MPC2: variants seen among roughly 807,000 people sequenced by gnomAD.
The protein encoded by MPC2 is mitochondrial pyruvate carrier 2.
A neutral mutation model predicts 19.2 loss-of-function variants in MPC2; 19 were observed. The observed-to-expected ratio is 0.99, with a 90% confidence interval of 0.69 to 1.45. MPC2 has a LOEUF of 1.45. Among genes scored for constraint, MPC2 ranks in the 40% most tolerant of loss-of-function variants. The pLI is 0.00. For synonymous variants in MPC2, 61 were observed against 54.3 expected (o/e 1.12, Z -0.54); for missense variants, 122 against 153.0 (o/e 0.80, Z 1.07).
chr1:167,933,169 GT>G (rs112730724), intron 2 of MPC2, among the ~76,000 whole-genome samples: 15,268 of 139,132 alleles, frequency 0.11, 817 homozygotes, highest in African/African-American at 0.18. Flanking sequence ...AAACACATTA[GT>G]TTTTTTTTTT....
At chr1:167,930,130 A>C (rs1028246222) in intron 2 of MPC2, among the ~76,000 whole-genome samples, 55 of 152,210 alleles carry the variant, frequency 3.6e-4, no homozygotes, top group African/African-American at 1.1e-3. Flanking sequence ...AGAGCCATAT[A>C]ATTTTAATAT....
chr1:167,936,842 C>A, intron 1 of MPC2, 97 bp downstream of exon 1: 1 of 1,344,286 alleles, frequency 7.4e-7, no homozygotes, highest in Non-Finnish European at 1.0e-6. Flanking sequence ...GGTGTTGAAA[C>A]GGGTGTCCCC....
chr1:167,925,442 C>CGTAT (rs1553200802), intron 2 of MPC2, among the ~76,000 whole-genome samples: 1,228 of 82,186 alleles, frequency 0.015, 14 homozygotes, highest in Non-Finnish European at 0.018. Context: ...TACATATACA[C>CGTAT]ATATATATAT....
chr1:167,918,430 A>G lies in MPC2; in HGVS notation c.348-71T>C, dbSNP rs879495211. On this transcript the variant is annotated intron_variant, in intron 5 of 5. Transcript: ENST00000271373. ...AAATTTATGGTAAGGAGAGAATGGG[A>G]AGCATACTCCATTTCTTCTTTCTTG... is the stretch of plus-strand genomic sequence containing the variant. 5.7e-5 allele frequency: 55 copies of G among 968,558 alleles called. 1 individual carries two copies. In the Admixed American group the frequency reaches 1.2e-3, roughly 21 times the overall value. 60.0% of individuals were successfully genotyped at this position (968,558 alleles called of 1,614,324 possible).
intron 5 of MPC2, among the ~76,000 whole-genome samples, chr1:167,918,797 G>A (rs1172096045): frequency 6.6e-6 from 1 of 151,930 alleles, no homozygotes; most frequent in Non-Finnish European, 1.5e-5. Context: ...GTTTCACCGT[G>A]TTAGCCAGGA....
At chr1:167,935,430 T>C (rs1285826623) in intron 2 of MPC2, among the ~76,000 whole-genome samples, 1 of 152,162 alleles carries the variant, frequency 6.6e-6, no homozygotes, top group Non-Finnish European at 1.5e-5. Flanking sequence ...CCAGACAGTT[T>C]GGTGGCCGCA....
chr1:167,922,802 T>C lies in MPC2; in HGVS notation c.150+1695A>G, dbSNP rs146486591. Among the ~76,000 whole-genome samples, 15 of 152,262 alleles carry C rather than the reference T, an allele frequency of 9.9e-5. No homozygotes were observed. In the East Asian group the frequency reaches 2.9e-3, roughly 29 times the overall value. On this transcript the variant is annotated intron_variant, in intron 3 of 5. Coordinates refer to ENST00000271373, the MANE Select transcript of MPC2 (RefSeq NM_001143674.4). ...CTGAGTTTCTGAATTGTTCTAACCA[T>C]TTTAAAAGTACATTTAAGAGAATTA... is the stretch of plus-strand genomic sequence containing the variant.
chr1:167,920,064 C>T lies in MPC2; in HGVS notation c.262G>A (p.Val88Ile). The stretch of plus-strand genomic sequence containing the variant: ...AGACTCCAATTTTTTGGAATAATTA[C>T]AAGTGAGTATCTTGACCAAATAAAC... ...TGFIWSRYSLVIIPKNWSLFA... is the reference protein window; with the variant it reads ...TGFIWSRYSLIIIPKNWSLFA... Residue 88 changes from valine (V) to isoleucine (I), a missense_variant, in exon 5 of 6, where the codon GTA (valine) becomes ATA (isoleucine). Coordinates refer to ENST00000271373, the MANE Select transcript of MPC2 (RefSeq NM_001143674.4). The T allele has an allele frequency of 6.2e-7, 1 of 1,613,092 alleles. No individual in the cohort carries two copies. Among genetic ancestry groups the T allele is most frequent in the Non-Finnish European group, 8.5e-7 (1 of 1,179,416 alleles).
chr1:167,919,382 A>T (rs1201126317), intron 5 of MPC2, among the ~76,000 whole-genome samples: 1 of 152,196 alleles, frequency 6.6e-6, no homozygotes, highest in East Asian at 1.9e-4. Context: ...CATGAAGCCA[A>T]CCATACCTCC....
At chr1:167,930,353 T>C (rs552548621) in intron 2 of MPC2, among the ~76,000 whole-genome samples, 2 of 152,330 alleles carry the variant, frequency 1.3e-5, no homozygotes, top group South Asian at 2.1e-4. Context: ...CAGTTACTTT[T>C]AGATTTAGAA....
chr1:167,933,279 C>T (rs371224443), intron 2 of MPC2, among the ~76,000 whole-genome samples: 8 of 151,676 alleles, frequency 5.3e-5, no homozygotes, highest in South Asian at 4.2e-4. Flanking sequence ...GTGATTCTCC[C>T]GCCTCAGCCT....
rs747897025 is a variant in MPC2 at position 167,937,019 on chromosome 1, G to C, written c.-138C>G. On this transcript the variant is annotated 5_prime_UTR_variant, in exon 1 of 6. Coordinates refer to ENST00000271373, the MANE Select transcript of MPC2 (RefSeq NM_001143674.4). The stretch of plus-strand genomic sequence containing the variant: ...GGAGTCGCTACCTGGGTGAGCGGGG[G>C]CCCCGGGGCGGAGGCGCTGAGGTCG... 5.1e-5 allele frequency: 81 copies of C among 1,602,286 alleles called. No individual in the cohort carries two copies. Among genetic ancestry groups the C allele is most frequent in the Non-Finnish European group, 6.6e-5 (77 of 1,174,958 alleles).
At chr1:167,928,283 G>A (rs1670811209) in intron 2 of MPC2, among the ~76,000 whole-genome samples, 2 of 150,250 alleles carry the variant, frequency 1.3e-5, no homozygotes, top group South Asian at 4.2e-4. Context: ...GGGAGGTGGA[G>A]CTTGCAGTGA....
intron 2 of MPC2, among the ~76,000 whole-genome samples, chr1:167,925,459 A>G (rs1373614200): frequency 4.4e-5 from 5 of 113,910 alleles, no homozygotes; most frequent in African/African-American, 2.0e-4. Context: ...ATATATATAT[A>G]TATATATATA....
Position 167,917,413 on chromosome 1 carries a change from A to G in MPC2, c.*910T>C, listed in dbSNP as rs1670481060. 6.6e-6 allele frequency: 1 copy of G among 152,214 alleles called. No homozygotes were observed. Among genetic ancestry groups the G allele is most frequent in the Admixed American group, 6.6e-5 (1 of 15,250 alleles). 9.4% of individuals were successfully genotyped at this position (152,214 alleles called of 1,614,324 possible). The stretch of plus-strand genomic sequence containing the variant: ...CAGGAGTTCGAGACCAGCCTGGGCA[A>G]CATGACAAAACCCTACCTCTACAAA... On this transcript the variant is annotated 3_prime_UTR_variant, in exon 6 of 6. Coordinates refer to ENST00000271373, the MANE Select transcript of MPC2 (RefSeq NM_001143674.4).
intron 2 of MPC2, among the ~76,000 whole-genome samples, chr1:167,926,055 G>A (rs1177272806): frequency 1.3e-5 from 2 of 152,172 alleles, no homozygotes; most frequent in South Asian, 2.1e-4. Context: ...TCAAACACTA[G>A]AAAGAAGATC....
At chr1:167,920,166 A>C (rs201446823) in intron 4 of MPC2, 76 bp from the exon 5 acceptor site, 1 of 882,162 alleles carries the variant, frequency 1.1e-6, no homozygotes, top group African/African-American at 1.7e-5. Flanking sequence ...ATATTGAGTA[A>C]AGTAATTACA....
Position 167,937,060 on chromosome 1 carries a change from GA to G in MPC2, c.-180del. 6.8e-7 allele frequency: 1 copy of G among 1,472,714 alleles called. No homozygotes were observed. The highest frequency in any genetic ancestry group is 9.4e-7 in the Non-Finnish European group (1 of 1,068,298). 91.2% of individuals were successfully genotyped at this position (1,472,714 alleles called of 1,614,324 possible). On this transcript the variant is annotated 5_prime_UTR_variant, in exon 1 of 6. Coordinates refer to ENST00000271373, the MANE Select transcript of MPC2 (RefSeq NM_001143674.4). ...GCTGAGGTCGCCGCCTAGAGTGGGG[GA>G]GGGGGCACGCTGCCGGGTCTGTTGG...
In MPC2 at chr1:167,936,956, G is replaced by GAA. The variant is rs930689678; in HGVS notation, c.-77_-76dup. On this transcript the variant is annotated 5_prime_UTR_variant, in exon 1 of 6. Coordinates refer to ENST00000271373, the MANE Select transcript of MPC2 (RefSeq NM_001143674.4). ...ACCCACACCTGTTGTGGGACGTGAG[G>GAA]AAAAGGTCCCTCGGGCTGGAGGACC... 6.2e-7 allele frequency: 1 copy of GAA among 1,610,986 alleles called. No individual in the cohort carries two copies. Among genetic ancestry groups the GAA allele is most frequent in the Non-Finnish European group, 8.5e-7 (1 of 1,179,230 alleles).
Sources: gnomAD v4.1 joint callset for allele counts (sites outside exome capture counted in the v4.1 genomes callset) on GRCh38, gnomAD v4.1.1 for gene constraint, MANE v1.5 for transcripts, NCBI Gene and HGNC (gene_info 2026-07-23, HGNC 2026-07-21) for gene names.